Variants in PCDHGB6 observed in about 807,000 individuals in gnomAD.
PCDHGB6 encodes the protein protocadherin gamma-B6.
In PCDHGB6, 51 loss-of-function variants were observed where a neutral mutation model predicts 59.1. The observed-to-expected ratio is 0.86, with a 90% CI of 0.69 to 1.09. The LOEUF (loss-of-function observed/expected upper bound fraction) is 1.09, where lower values mean the gene tolerates loss of function less well. PCDHGB6 is among the 50% of genes least tolerant of loss of function. The pLI, the probability that PCDHGB6 is intolerant of heterozygous loss-of-function variation, is 0.00. For missense variants in PCDHGB6, 1,148 were observed against 1,205.1 expected (o/e 0.95, Z 0.70); for synonymous variants, 466 against 495.1 (o/e 0.94, Z 0.78).
Position 141,487,931 on chromosome 5 carries a change from G to A in PCDHGB6, c.2419-6876G>A. The stretch of plus-strand genomic sequence containing the variant: ...AGCACAGGAGGCTACAGTGCACAGG[G>A]TACAGTGCACCAGGCAGTCACTTGG... On this transcript the variant is annotated intron_variant, in intron 1 of 3. Transcript: ENST00000520790. The surrounding 1 kb of genome is among the most constrained non-coding windows in gnomAD (Gnocchi z 5.0). The A allele has an allele frequency of 1.6e-6, 1 of 612,954 alleles. No homozygotes were observed. The highest frequency in any genetic ancestry group is 2.8e-6 in the Non-Finnish European group (1 of 351,318). 38.0% of individuals were successfully genotyped at this position (612,954 alleles called of 1,614,324 possible). A position where few individuals can be genotyped will look rare whatever the true frequency, so the allele number is the denominator to read the frequency against.
At chr5:141,429,361 A>G (rs2097205912) in intron 1 of PCDHGB6, among the ~76,000 whole-genome samples, 1 of 150,698 alleles carries the variant, frequency 6.6e-6, no homozygotes, top group East Asian at 1.9e-4. Context: ...AATGCATGAG[A>G]AAATGGAGAA....
intron 1 of PCDHGB6, among the ~76,000 whole-genome samples, chr5:141,482,757 T>G: frequency 7.9e-6 from 1 of 127,194 alleles, no homozygotes; most frequent in Admixed American, 7.7e-5. Flanking sequence ...GATTATGGTA[T>G]TTCATTATCA....
Position 141,491,590 on chromosome 5 carries a change from G to A in PCDHGB6, c.2419-3217G>A, listed in dbSNP as rs376104513. ...GACGTGCTTTTCACCGGCCTCGGAC[G>A]GCAGTGACTTCACTTTTCTAAGACC... On this transcript the variant is annotated intron_variant, in intron 1 of 3. Transcript: ENST00000520790. The surrounding 1 kb of genome is among the most constrained non-coding windows in gnomAD (Gnocchi z 6.9). 15 of 1,613,828 alleles carry A rather than the reference G, an allele frequency of 9.3e-6. No homozygotes were observed. In the African/African-American group the frequency reaches 2.0e-4, roughly 22 times the overall value.
Position 141,489,624 on chromosome 5 carries a change from C to T in PCDHGB6, c.2419-5183C>T. 1 of 1,614,088 alleles carries T rather than the reference C, an allele frequency of 6.2e-7. No homozygotes were observed. On this transcript the variant is annotated intron_variant, in intron 1 of 3. Transcript: ENST00000520790. The surrounding 1 kb of genome is among the most constrained non-coding windows in gnomAD (Gnocchi z 4.5). Reference sequence around the variant, plus strand: ...AGGTAGAGATCCTGGATCTCAATGACAACTCTCCTAGCTTTGCCACCCCTG... The same window carrying T: ...AGGTAGAGATCCTGGATCTCAATGATAACTCTCCTAGCTTTGCCACCCCTG...
intron 1 of PCDHGB6, chr5:141,417,260 G>A (rs1362206061): frequency 1.3e-5 from 2 of 152,174 alleles, no homozygotes; most frequent in Non-Finnish European, 2.9e-5. Context: ...CAGCTTCATA[G>A]ATAATTACTC....
In PCDHGB6 at chr5:141,511,106, G is replaced by A. The variant is rs536900646; in HGVS notation, c.2726G>A (p.Arg909Gln). 4.6e-5 allele frequency: 75 copies of A among 1,614,196 alleles called. No individual in the cohort carries two copies. In the East Asian group the frequency reaches 5.8e-4, roughly 12 times the overall value. Reference protein sequence around the residue: ...NATLTNAAGKRDGKAPAGGNG... With the variant: ...NATLTNAAGKQDGKAPAGGNG... ...ACACTGACCAACGCAGCTGGCAAGC[G>A]GGATGGCAAGGCCCCAGCAGGTGGC... The change falls in exon 4 of 4, where the codon CGG (arginine) becomes CAG (glutamine). Residue 909 changes from arginine (R) to glutamine (Q), a missense_variant. Around this residue, in one of 5 missense-constraint regions of PCDHGB6, gnomAD observed 283 missense variants for 318.6 expected, o/e 0.89. Coordinates refer to ENST00000520790, the MANE Select transcript of PCDHGB6 (RefSeq NM_018926.3).
At chr5:141,414,514 G>A in intron 1 of PCDHGB6, 1 of 1,613,964 alleles carries the variant, frequency 6.2e-7, no homozygotes, top group Non-Finnish European at 8.5e-7. Context: ...GCTACAAGTG[G>A]CAGATATCAA....
intron 2 of PCDHGB6, 107 bp from the exon 3 acceptor site, chr5:141,505,286 A>T: frequency 3.2e-6 from 5 of 1,551,278 alleles, no homozygotes; most frequent in Non-Finnish European, 4.4e-6. Flanking sequence ...GGTCTTGGGC[A>T]TGGGGTAGGG....
At chr5:141,422,777 C>T in intron 1 of PCDHGB6, 1 of 1,613,982 alleles carries the variant, frequency 6.2e-7, no homozygotes, top group Non-Finnish European at 8.5e-7. Context: ...GTTCTCTATG[C>T]CCTACAATCC....
intron 1 of PCDHGB6, chr5:141,428,153 CT>C (rs2097116745): frequency 6.3e-7 from 1 of 1,581,370 alleles, no homozygotes; most frequent in Admixed American, 1.7e-5. Flanking sequence ...ACACGGGAAC[CT>C]GCTGGTTGCT....
At chr5:141,413,588 A>C in intron 1 of PCDHGB6, 1 of 1,613,922 alleles carries the variant, frequency 6.2e-7, no homozygotes, top group South Asian at 1.1e-5. Flanking sequence ...CCAAAATTCC[A>C]AGCAGAAAAT....
At chr5:141,494,972 C>T (rs1005793988) in intron 2 of PCDHGB6, 107 bp downstream of exon 2, 69 of 1,581,734 alleles carry the variant, frequency 4.4e-5, no homozygotes, top group Non-Finnish European at 5.9e-5. Context: ...TGGCTTCTCC[C>T]TCAGTTTGAG....
At chr5:141,410,858 T>A in intron 1 of PCDHGB6, 1 of 436,188 alleles carries the variant, frequency 2.3e-6, no homozygotes, top group Non-Finnish European at 3.8e-6. Context: ...TCTTTTTTTT[T>A]TTTTTTTTTT....
rs754522489 is a variant in PCDHGB6 at position 141,410,312 on chromosome 5, C to T, written c.2110C>T (p.Leu704Phe). Residue 704 changes from leucine to phenylalanine, a missense_variant, in exon 1 of 4, where the codon CTC (leucine) becomes TTC (phenylalanine). Leu to Phe is a conservative substitution (Grantham distance 22). This residue lies in a region of PCDHGB6 where 283 missense variants were observed against 318.6 expected (regional missense o/e 0.89). Coordinates refer to ENST00000520790, the MANE Select transcript of PCDHGB6 (RefSeq NM_018926.3). Reference protein sequence around the residue: ...VALALISVLFLLAVILAIALR... With the variant: ...VALALISVLFFLAVILAIALR... ...CTTGGCCTTAATCTCAGTGCTCTTC[C>T]TCCTCGCCGTGATTCTGGCCATTGC... is the stretch of plus-strand genomic sequence containing the variant. 9 of 1,614,036 alleles carry T rather than the reference C, an allele frequency of 5.6e-6. No individual in the cohort carries two copies. The highest frequency in any genetic ancestry group is 3.3e-5 in the South Asian group (3 of 91,080).
chr5:141,476,071 T>A lies in PCDHGB6; in HGVS notation c.2419-18736T>A. On this transcript the variant is annotated intron_variant, in intron 1 of 3. Transcript: ENST00000520790. The surrounding 1 kb of genome is among the most constrained non-coding windows in gnomAD (Gnocchi z 7.6). ...CCGCTGAAAGTTTCTCAGCGAAATC[T>A]CAGGGACGATCTGGACCCCGCTGAG... 6.6e-7 allele frequency: 1 copy of A among 1,522,792 alleles called. No individual in the cohort carries two copies. The highest frequency in any genetic ancestry group is 8.8e-7 in the Non-Finnish European group (1 of 1,142,680). 94.3% of individuals were successfully genotyped at this position (1,522,792 alleles called of 1,614,324 possible).
rs1686238986 is a variant in PCDHGB6 at position 141,431,536 on chromosome 5, G to A, written c.2418+20916G>A. The A allele has an allele frequency of 6.2e-7, 1 of 1,614,070 alleles. No homozygotes were observed. Among genetic ancestry groups the A allele is most frequent in the African/African-American group, 1.3e-5 (1 of 75,064 alleles). On this transcript the variant is annotated intron_variant, in intron 1 of 3. Transcript: ENST00000520790. The surrounding 1 kb of genome is among the most constrained non-coding windows in gnomAD (Gnocchi z 4.8). ...TTCCGGAGAATCTGGCCTTGGGCAC[G>A]CAGCTGCTTGTAGTCAACGCTACCG... is the stretch of plus-strand genomic sequence containing the variant.
chr5:141,478,038 G>A lies in PCDHGB6; in HGVS notation c.2419-16769G>A, dbSNP rs1401384720. ...CCAGTCCAAGACACAGATTCACCCA[G>A]GCAGACTCTCACGGTCTTGATCAAA... On this transcript the variant is annotated intron_variant, in intron 1 of 3. Transcript: ENST00000520790. 8 of 1,614,006 alleles carry A rather than the reference G, an allele frequency of 5.0e-6. No homozygotes were observed. In the African/African-American group the frequency reaches 1.1e-4, roughly 22 times the overall value.
rs201279747 is a variant in PCDHGB6, at chr5:141,414,931, G to A, written c.2418+4311G>A. On this transcript the variant is annotated intron_variant, in intron 1 of 3. Coordinates refer to ENST00000520790, the MANE Select transcript of PCDHGB6 (RefSeq NM_018926.3). ...AGGCGTGGAGCTGGCGCCCCGCTCC[G>A]CAGAGCCCGGCTACCTGGTGACCAA... 123 of 1,614,120 alleles carry A rather than the reference G, an allele frequency of 7.6e-5. No homozygotes were observed. In the East Asian group the frequency reaches 2.5e-3, roughly 33 times the overall value.
intron 1 of PCDHGB6, among the ~76,000 whole-genome samples, chr5:141,448,809 A>G (rs998129053): frequency 9.2e-5 from 14 of 151,812 alleles, no homozygotes; most frequent in Non-Finnish European, 1.8e-4. Flanking sequence ...GCCAGGCGTG[A>G]TGGCGGGCGC....
Sources: allele counts gnomAD v4.1 joint callset (sites outside exome capture counted in the v4.1 genomes callset), GRCh38; gene constraint gnomAD v4.1.1; regional missense constraint gnomAD v4.1.1; non-coding constraint Gnocchi (gnomAD v3.1); transcripts MANE v1.5; gene names NCBI Gene and HGNC (gene_info 2026-07-23, HGNC 2026-07-21).